The following VPS13C variants were observed in gnomAD, a reference collection of about 807,000 sequenced individuals.
The protein encoded by VPS13C is intermembrane lipid transfer protein VPS13C.
VPS13C carries 358 observed loss-of-function variants against 456.8 expected under a neutral mutation model. The observed-to-expected ratio is 0.78, with a 90% confidence interval of 0.72 to 0.86. The LOEUF is 0.86. Among genes scored for constraint, VPS13C ranks in the 40% least tolerant of loss-of-function variants. The pLI, the probability that VPS13C is intolerant of heterozygous loss-of-function variation, is 0.00. For synonymous variants in VPS13C, 1,578 were observed against 1,486.7 expected (o/e 1.06, Z -1.41); for missense variants, 4,818 against 4,385.4 (o/e 1.10, Z -2.79).
chr15:61,984,108 A>C, intron 19 of VPS13C, 96 bp from the exon 20 acceptor site: 2 of 1,137,614 alleles, frequency 1.8e-6, no homozygotes, highest in South Asian at 1.5e-5. Flanking sequence ...GTCTTTGAGA[A>C]CCAGGACCAT....
intron 45 of VPS13C, among the ~76,000 whole-genome samples, chr15:61,945,469 C>T (rs929386440): frequency 6.6e-6 from 1 of 152,128 alleles, no homozygotes; most frequent in Non-Finnish European, 1.5e-5. Context: ...AAACATAAAA[C>T]ATACATTTAA....
At chr15:61,955,556 C>T (rs920175447) in intron 37 of VPS13C, among the ~76,000 whole-genome samples, 4 of 152,154 alleles carry the variant, frequency 2.6e-5, no homozygotes, top group Admixed American at 1.3e-4. Context: ...CATTGCATAG[C>T]GCAAGGTTTC....
At chr15:61,905,470 T>A (rs1479825239) in intron 66 of VPS13C, among the ~76,000 whole-genome samples, 1 of 152,174 alleles carries the variant, frequency 6.6e-6, no homozygotes, top group African/African-American at 2.4e-5. Context: ...CATTTTCATT[T>A]ACTGACATAA....
intron 15 of VPS13C, among the ~76,000 whole-genome samples, chr15:62,004,511 T>C (rs2046761259): frequency 6.8e-6 from 1 of 147,360 alleles, no homozygotes; most frequent in Non-Finnish European, 1.5e-5. Context: ...TTTTTGTGTC[T>C]CTATTTCCTT....
chr15:61,866,814 A>G, intron 81 of VPS13C: 1 of 977,714 alleles, frequency 1.0e-6, no homozygotes, highest in South Asian at 4.7e-5. Flanking sequence ...TATTTTGATA[A>G]CTGCAATCCT....
chr15:61,952,162 T>C (rs1005185013), intron 38 of VPS13C, among the ~76,000 whole-genome samples, 182 bp from the exon 39 acceptor site: 24 of 152,184 alleles, frequency 1.6e-4, no homozygotes, highest in African/African-American at 5.8e-4. Flanking sequence ...ATGGACAGCC[T>C]TTCTTCTGAA....
rs776636452 is a variant in VPS13C, at chr15:62,060,296, G to C, written c.79C>G (p.Leu27Val). The C allele has an allele frequency of 1.2e-6, 2 of 1,606,672 alleles. No individual in the cohort carries two copies. The highest frequency in any genetic ancestry group is 2.2e-5 in the South Asian group (2 of 89,938). ...TTACCGCCCCAGATGCCCAGCTTCA[G>C]CTGGGACTTGTTCAGGTTCTCCACA... ...DYVENLNKSQ[L>V]KLGIWGGNVA... The change falls in exon 1 of 85, where the codon CTG (leucine) becomes GTG (valine). Residue 27 changes from leucine (L) to valine (V), a missense_variant. Physicochemically the swap from Leu to Val is conservative, Grantham distance 32. Transcript: ENST00000644861.
In VPS13C at chr15:62,057,157, A is replaced by G. The variant is rs536312933; in HGVS notation, c.100+3118T>C. Among the ~76,000 whole-genome samples, 12 of 152,256 alleles carry G rather than the reference A, an allele frequency of 7.9e-5. No homozygotes were observed. The South Asian group carries it at 2.5e-3, about 32-fold the overall frequency. Reference sequence around the variant, plus strand: ...GTGGGGCTGGTCCCTACAGTGAAATATTTACAAGATGAATTCTTCCCTTTC... The same window carrying G: ...GTGGGGCTGGTCCCTACAGTGAAATGTTTACAAGATGAATTCTTCCCTTTC... On this transcript the variant is annotated intron_variant, in intron 1 of 84. Transcript: ENST00000644861.
Position 61,929,554 on chromosome 15 carries a change from T to G in VPS13C, c.6233A>C (p.Glu2078Ala), listed in dbSNP as rs761924090. The change falls in exon 51 of 85, where the codon GAA (glutamate) becomes GCA (alanine). Residue 2078 changes from glutamate (E) to alanine (A), a missense_variant. Physicochemically the swap from Glu to Ala is moderately radical, Grantham distance 107 (BLOSUM62 -1). Transcript: ENST00000644861. The stretch of plus-strand genomic sequence containing the variant: ...AGTCTGTCTTGGTAAAATCTGTGTT[T>G]CTTTTGCCACATTTTCTGGACTCTG... ...VPQSPENVAK[E>A]TQILPRQTAT... is the part of the protein sequence containing the mutation. 3 of 1,614,134 alleles carry G rather than the reference T, an allele frequency of 1.9e-6. No homozygotes were observed. Among genetic ancestry groups the G allele is most frequent in the Non-Finnish European group, 2.5e-6 (3 of 1,180,004 alleles).
chr15:62,035,052 T>C lies in VPS13C; in HGVS notation c.188A>G (p.Asp63Gly), dbSNP rs1224271827. 1.9e-6 allele frequency: 3 copies of C among 1,598,054 alleles called. No homozygotes were observed. Among genetic ancestry groups the C allele is most frequent in the Admixed American group, 1.7e-5 (1 of 58,762 alleles). Residue 63 changes from aspartate to glycine, a missense_variant and splice_region_variant, in exon 4 of 85, where the codon GAT becomes GGT. Coordinates refer to ENST00000644861, the MANE Select transcript of VPS13C (RefSeq NM_020821.3). ...CCAAGGAATCTTCAAAGTTAATTTATCTAAGGAAACATAATTTCAACCTTA... is the reference window on the plus strand; with the variant it reads ...CCAAGGAATCTTCAAAGTTAATTTACCTAAGGAAACATAATTTCAACCTTA... ...VPFKVKAGQI[D>G]KLTLKIPWKN...
At chr15:61,865,610 A>G (rs1184706961) in intron 81 of VPS13C, 1 of 540,316 alleles carries the variant, frequency 1.9e-6, no homozygotes, top group South Asian at 8.1e-5. Flanking sequence ...ATGTATGTGT[A>G]TATATGTATG....
rs1212254645 is a variant in VPS13C at position 61,981,333 on chromosome 15, T to C, written c.2166+9A>G. 1 of 1,601,366 alleles carries C rather than the reference T, an allele frequency of 6.2e-7. No individual in the cohort carries two copies. The highest frequency in any genetic ancestry group is 8.5e-7 in the Non-Finnish European group (1 of 1,175,920). On this transcript the variant is annotated intron_variant, in intron 22 of 84. Coordinates refer to ENST00000644861, the MANE Select transcript of VPS13C (RefSeq NM_020821.3). ...AGATGGGCAGACAAAAAAACGCATA[T>C]ATACCTACCTGAAATGTACCAAAAT... is the stretch of plus-strand genomic sequence containing the variant.
intron 66 of VPS13C, among the ~76,000 whole-genome samples, chr15:61,902,189 C>G (rs2043020424): frequency 6.7e-6 from 1 of 150,150 alleles, no homozygotes; most frequent in Non-Finnish European, 1.5e-5. Context: ...TGCAGCGCAC[C>G]AGCATGGCAC....
intron 3 of VPS13C, among the ~76,000 whole-genome samples, chr15:62,037,334 TTATATATAATATATTA>T (rs1397446208): frequency 1.3e-5 from 1 of 79,808 alleles, no homozygotes; most frequent in East Asian, 2.9e-4. Flanking sequence ...TTATATACAT[TTATATATAATATATTA>T]TATATAAATG....
rs774700494 is a variant in VPS13C at position 61,863,536 on chromosome 15, G to A, written c.10864-8C>T. ...CAACTTTTTGATATGATTCTGAAAA[G>A]GAAACCAGGCTCTAGATTTGGGAAG... On this transcript the variant is annotated splice_region_variant and splice_polypyrimidine_tract_variant and intron_variant, in intron 81 of 84. Transcript: ENST00000644861. 1.2e-6 allele frequency: 2 copies of A among 1,603,294 alleles called. No homozygotes were observed. The highest frequency in any genetic ancestry group is 2.2e-5 in the South Asian group (2 of 90,660).
chr15:61,877,179 A>G, intron 74 of VPS13C, 125 bp from the exon 75 acceptor site: 1 of 596,662 alleles, frequency 1.7e-6, no homozygotes, highest in Admixed American at 3.6e-5. Flanking sequence ...TCGTACATTT[A>G]CCACATACAA....
chr15:61,957,668 G>A (rs553190374), intron 37 of VPS13C, among the ~76,000 whole-genome samples: 2 of 152,098 alleles, frequency 1.3e-5, no homozygotes, highest in African/African-American at 4.8e-5. Flanking sequence ...ATTATTTGCT[G>A]ACCTAATTGT....
chr15:61,885,211 T>C (rs1012774150), intron 67 of VPS13C, among the ~76,000 whole-genome samples: 5 of 152,224 alleles, frequency 3.3e-5, no homozygotes, highest in African/African-American at 7.2e-5. Context: ...GTCTTCAAAA[T>C]TGACTATACT....
rs754470295 is a variant in VPS13C at position 61,961,815 on chromosome 15, T to C, written c.3682A>G (p.Ser1228Gly). 6.2e-6 allele frequency: 10 copies of C among 1,613,906 alleles called. No individual in the cohort carries two copies. The African/African-American group carries it at 9.3e-5, about 15-fold the overall frequency. ...TAQAAERAATSVKDLAQRSFR... is the reference protein window; with the variant it reads ...TAQAAERAATGVKDLAQRSFR... ...CTCCTCTGGGCAAGATCTTTCACAC[T>C]TGTGGCAGCCCTTTCTGCAGCCTGG... Residue 1228 changes from serine (S) to glycine (G), a missense_variant, in exon 35 of 85, where the codon AGT (serine) becomes GGT (glycine). Coordinates refer to ENST00000644861, the MANE Select transcript of VPS13C (RefSeq NM_020821.3).
Sources: allele counts gnomAD v4.1 joint callset (sites outside exome capture counted in the v4.1 genomes callset), GRCh38; gene constraint gnomAD v4.1.1; transcripts MANE v1.5; gene names NCBI Gene and HGNC (gene_info 2026-07-23, HGNC 2026-07-21).